The following LGI2 variants were observed in gnomAD, a reference collection of about 807,000 sequenced individuals.
LGI2 encodes leucine-rich repeat LGI family member 2.
In LGI2, 30 loss-of-function variants were observed where a neutral mutation model predicts 52.0. The ratio of observed to expected loss-of-function variants is 0.58; its 90% confidence interval spans 0.43 to 0.78. The LOEUF is 0.78. Among genes scored for constraint, LGI2 ranks in the 30% least tolerant of loss-of-function variants. The pLI, the probability that LGI2 is intolerant of heterozygous loss-of-function variation, is 0.00. For missense variants in LGI2, 573 were observed against 692.5 expected, an observed-to-expected ratio of 0.83 and a Z score of 1.94; for synonymous variants, 270 against 271.8, an observed-to-expected ratio of 0.99 and a Z score of 0.06.
At chr4:25,023,452 T>C (rs79013888) in intron 4 of LGI2, among the ~76,000 whole-genome samples, 3,046 of 152,362 alleles carry the variant, frequency 0.02, 110 homozygotes, top group African/African-American at 0.07. Context: ...GCCTCCCATG[T>C]CTGCTCCCTC....
At chr4:25,020,241 CA>C (rs1725912758) in intron 4 of LGI2, among the ~76,000 whole-genome samples, 1 of 152,152 alleles carries the variant, frequency 6.6e-6, no homozygotes, top group African/African-American at 2.4e-5. Flanking sequence ...GACCCAAAAC[CA>C]TTTTGCATTT....
chr4:25,010,236 C>T (rs974084175), intron 7 of LGI2, among the ~76,000 whole-genome samples: 9 of 152,014 alleles, frequency 5.9e-5, no homozygotes, highest in African/African-American at 1.2e-4. Flanking sequence ...GCCGAGACTG[C>T]GCCACTGCAC....
intron 1 of LGI2, among the ~76,000 whole-genome samples, chr4:25,029,885 C>T (rs1351034039): frequency 1.3e-5 from 2 of 152,174 alleles, no homozygotes; most frequent in Admixed American, 1.3e-4. Flanking sequence ...CCACGGGGGG[C>T]GGCCCCTCCC....
chr4:25,012,256 A>T, intron 7 of LGI2, 79 bp downstream of exon 7: 1 of 1,502,352 alleles, frequency 6.7e-7, no homozygotes, highest in Non-Finnish European at 9.2e-7. Flanking sequence ...CTCCCTCAAT[A>T]CAGAGGACAT....
intron 6 of LGI2, among the ~76,000 whole-genome samples, chr4:25,015,126 C>T (rs552815949): frequency 6.6e-6 from 1 of 152,210 alleles, no homozygotes; most frequent in African/African-American, 2.4e-5. Context: ...GGGACTCTTA[C>T]AATTTAGGCC....
chr4:25,000,116 C>A lies in LGI2; in HGVS notation c.*3335G>T. ...CATGTTTGTTAATTGTTAAATGGACCAGTTGATTGAATGGTGTCTATTCAG... is the reference window on the plus strand; with the variant it reads ...CATGTTTGTTAATTGTTAAATGGACAAGTTGATTGAATGGTGTCTATTCAG... On this transcript the variant is annotated 3_prime_UTR_variant, in exon 8 of 8. Transcript: ENST00000382114. The A allele has an allele frequency of 3.7e-6, 1 of 273,332 alleles. No homozygotes were observed. Among genetic ancestry groups the A allele is most frequent in the Non-Finnish European group, 7.2e-6 (1 of 138,272 alleles). The allele number at this position is 273,332 out of a possible 1,614,324, so 16.9% of individuals were successfully genotyped here. A position where few individuals can be genotyped will look rare whatever the true frequency, so the allele number is the denominator to read the frequency against.
At chr4:25,027,218 T>C (rs1057042042) in intron 2 of LGI2, among the ~76,000 whole-genome samples, 5 of 152,290 alleles carry the variant, frequency 3.3e-5, no homozygotes, top group African/African-American at 1.2e-4. Context: ...GCTGTGACTT[T>C]AAAACATTAT....
Position 25,003,265 on chromosome 4 carries a change from T to C in LGI2, c.*186A>G, listed in dbSNP as rs1003620450. 5.7e-6 allele frequency: 3 copies of C among 527,578 alleles called. No individual in the cohort carries two copies. The highest frequency in any genetic ancestry group is 6.6e-6 in the Non-Finnish European group (2 of 303,696). The allele number at this position is 527,578 out of a possible 1,614,324, so 32.7% of individuals were successfully genotyped here. On this transcript the variant is annotated 3_prime_UTR_variant, in exon 8 of 8. Transcript: ENST00000382114. ...TTTAAATGGTAGAATGGGCATGTCA[T>C]GCAGTTAGCCAATAAATGCAATCCC...
intron 3 of LGI2, among the ~76,000 whole-genome samples, chr4:25,025,490 G>A (rs1266170086): frequency 6.6e-6 from 1 of 152,176 alleles, no homozygotes; most frequent in Non-Finnish European, 1.5e-5. Flanking sequence ...GAAGTATAAT[G>A]AAGTTGAGTA....
intron 7 of LGI2, among the ~76,000 whole-genome samples, chr4:25,008,769 C>T (rs767038939): frequency 2.3e-4 from 35 of 152,166 alleles, no homozygotes; most frequent in Non-Finnish European, 3.8e-4. Flanking sequence ...ATTTCTTAGG[C>T]TTGGTGGTAA....
chr4:25,030,364 C>T, intron 1 of LGI2, 133 bp downstream of exon 1: 1 of 951,260 alleles, frequency 1.1e-6, no homozygotes, highest in Non-Finnish European at 1.5e-6. Context: ...ACCCACGTCC[C>T]CCACACAAAG....
intron 6 of LGI2, among the ~76,000 whole-genome samples, chr4:25,013,680 T>C (rs1725660647): frequency 6.6e-6 from 1 of 152,144 alleles, no homozygotes; most frequent in Non-Finnish European, 1.5e-5. Flanking sequence ...CCATAAAGAC[T>C]AAATGCAAGG....
chr4:25,021,495 A>G (rs959435351), intron 4 of LGI2, among the ~76,000 whole-genome samples: 1 of 152,216 alleles, frequency 6.6e-6, no homozygotes, highest in Non-Finnish European at 1.5e-5. Context: ...TTCCGTAAGC[A>G]CGGGGGTGAA....
chr4:25,024,137 GATT>G (rs1261169860), intron 4 of LGI2, among the ~76,000 whole-genome samples: 2 of 152,186 alleles, frequency 1.3e-5, no homozygotes, highest in Non-Finnish European at 2.9e-5. Flanking sequence ...GGGACTCACA[GATT>G]ATTATGAAAG....
At chr4:24,994,220 T>C (rs1323800834), downstream of LGI2, among the ~76,000 whole-genome samples, 1 of 152,180 alleles carries the variant, frequency 6.6e-6, no homozygotes, top group East Asian at 1.9e-4. Context: ...CAAATTTCCT[T>C]TTTCTGGTCT....
At position 25,004,984 on chromosome 4, in the gene LGI2, G is replaced by A. The variant is rs1725355327; in HGVS notation, c.821-716C>T. Among the ~76,000 whole-genome samples the A allele has an allele frequency of 6.6e-6, 1 of 152,186 alleles. No individual in the cohort carries two copies. The highest frequency in any genetic ancestry group is 6.5e-5 in the Admixed American group (1 of 15,278). On this transcript the variant is annotated intron_variant, in intron 7 of 7. Coordinates refer to ENST00000382114, the MANE Select transcript of LGI2 (RefSeq NM_018176.4). The surrounding 1 kb of genome is among the most constrained non-coding windows in gnomAD (Gnocchi z 4.6). ...TAAAAGGAGGAAAATTCTGACATATGCTACAACATGGATGGACTTTGAGGG... is the reference window on the plus strand; with the variant it reads ...TAAAAGGAGGAAAATTCTGACATATACTACAACATGGATGGACTTTGAGGG...
At chr4:25,014,120 G>A (rs1042532641) in intron 6 of LGI2, among the ~76,000 whole-genome samples, 2 of 152,054 alleles carry the variant, frequency 1.3e-5, no homozygotes, top group Admixed American at 6.6e-5. Context: ...CGACTACTCC[G>A]AGTCTGCCAA....
chr4:25,012,337 G>A lies in LGI2; in HGVS notation c.818C>T (p.Thr273Ile). The change falls in exon 7 of 8, where the codon ACA (threonine) becomes ATA (isoleucine). Residue 273 changes from threonine (T) to isoleucine (I), a missense_variant and splice_region_variant. Thr to Ile is a moderately conservative substitution (Grantham distance 89, BLOSUM62 -1). Transcript: ENST00000382114. The part of the protein sequence containing the change: ...EMNFRSYDNI[T>I]GQSIVGCKAI... Reference sequence around the variant, plus strand: ...ATCTGATCAAAGCCACAACACACCTGTAATGTTGTCATAGCTCCGGAAATT... The same window carrying A: ...ATCTGATCAAAGCCACAACACACCTATAATGTTGTCATAGCTCCGGAAATT... 1.2e-6 allele frequency: 2 copies of A among 1,614,210 alleles called. No individual in the cohort carries two copies. The highest frequency in any genetic ancestry group is 1.7e-6 in the Non-Finnish European group (2 of 1,180,032).
intron 7 of LGI2, among the ~76,000 whole-genome samples, chr4:25,006,495 T>G (rs928154650): frequency 6.6e-6 from 1 of 152,238 alleles, no homozygotes; most frequent in East Asian, 1.9e-4. Context: ...CAGAGTGGCA[T>G]TTACTTTTCT....
Sources: gnomAD v4.1 joint callset for allele counts (sites outside exome capture counted in the v4.1 genomes callset) on GRCh38, gnomAD v4.1.1 for gene constraint, Gnocchi (gnomAD v3.1) non-coding constraint, MANE v1.5 for transcripts, NCBI Gene and HGNC (gene_info 2026-07-23, HGNC 2026-07-21) for gene names.